The following ZNF519 variants were observed in gnomAD, a reference collection of about 807,000 sequenced individuals.
ZNF519 encodes the protein zinc finger protein 519.
Under a neutral mutation model 7.4 loss-of-function variants are expected in ZNF519, and 7 were observed. That is an observed-to-expected ratio of 0.94 (90% confidence interval 0.54 to 1.77). The LOEUF is 1.77. Ranked by LOEUF, ZNF519 falls within the 40% of genes most tolerant of loss-of-function variation. The pLI is 0.00. For synonymous variants in ZNF519, 179 were observed against 203.3 expected (o/e 0.88, Z 1.02); for missense variants, 586 against 623.1 (o/e 0.94, Z 0.63).
rs747026212 is a variant in ZNF519 at position 14,105,213 on chromosome 18, T to G, written c.1327A>C (p.Arg443=). The G allele has an allele frequency of 1.3e-6, 2 of 1,571,226 alleles. No homozygotes were observed. The highest frequency in any genetic ancestry group is 2.7e-5 in the African/African-American group (2 of 74,426). Residue 443 remains arginine (R), a synonymous_variant, in exon 3 of 3, where the codon AGG becomes CGG. Coordinates refer to ENST00000590202, the MANE Select transcript of ZNF519 (RefSeq NM_145287.4). ...KCKECGKAFN[R]GSHLTRHQRI... ...TGATGTCGAGTAAGGTGTGAGCCCC[T>G]GTTAAAGGCTTTGCCACATTCTTTA...
chr18:14,112,796 AT>A (rs2046228207), intron 2 of ZNF519, among the ~76,000 whole-genome samples: 1 of 152,192 alleles, frequency 6.6e-6, no homozygotes, highest in Non-Finnish European at 1.5e-5. Context: ...AAGAAAATAT[AT>A]TTTTTGTTCA....
chr18:14,127,030 T>C (rs1331869214), intron 1 of ZNF519, among the ~76,000 whole-genome samples: 1 of 152,198 alleles, frequency 6.6e-6, no homozygotes, highest in Non-Finnish European at 1.5e-5. Context: ...CTAGCTGTAA[T>C]ATCCCCTGTC....
chr18:14,106,328 T>C lies in ZNF519; in HGVS notation c.212A>G (p.Tyr71Cys). The change falls in exon 3 of 3, where the codon TAT (tyrosine) becomes TGT (cysteine). Residue 71 changes from tyrosine (Y) to cysteine (C), a missense_variant. By Grantham distance (194) the Tyr-to-Cys change is radical. Coordinates refer to ENST00000590202, the MANE Select transcript of ZNF519 (RefSeq NM_145287.4). ...DSFKKATLGR[Y>C]GSCGLENICL... Reference sequence around the variant, plus strand: ...TATATTTTCAAGGCCACAGCTCCCATATCTTCCCAGTGTTGCTTTTTTGAA... The same window carrying C: ...TATATTTTCAAGGCCACAGCTCCCACATCTTCCCAGTGTTGCTTTTTTGAA... The C allele has an allele frequency of 6.2e-7, 1 of 1,613,410 alleles. No homozygotes were observed. The highest frequency in any genetic ancestry group is 8.5e-7 in the Non-Finnish European group (1 of 1,179,856).
At chr18:14,088,867 A>G (rs567002354) in intron 2 of ZNF519, among the ~76,000 whole-genome samples, 1 of 152,302 alleles carries the variant, frequency 6.6e-6, no homozygotes, top group South Asian at 2.1e-4. Context: ...AATTTGCAAA[A>G]CTAAAACTGG....
At chr18:14,087,101 G>A (rs1326374126) in intron 2 of ZNF519, among the ~76,000 whole-genome samples, 1 of 152,092 alleles carries the variant, frequency 6.6e-6, no homozygotes, top group Non-Finnish European at 1.5e-5. Flanking sequence ...AATCAATAAA[G>A]GTGATACATC....
Position 14,101,419 on chromosome 18 carries a change from G to A in ZNF519, c.*3498C>T, listed in dbSNP as rs1218225516. On this transcript the variant is annotated 3_prime_UTR_variant, in exon 3 of 3. Coordinates refer to ENST00000590202, the MANE Select transcript of ZNF519 (RefSeq NM_145287.4). ...CTCATGGTCATAACATGAAGTGAAAGTAAAATATAAATAATTTTCCTAGAT... is the reference window on the plus strand; with the variant it reads ...CTCATGGTCATAACATGAAGTGAAAATAAAATATAAATAATTTTCCTAGAT... 1.1e-5 allele frequency: 4 copies of A among 349,516 alleles called. No individual in the cohort carries two copies. The highest frequency in any genetic ancestry group is 1.5e-4 in the South Asian group (1 of 6,590). 21.7% of individuals were successfully genotyped at this position (349,516 alleles called of 1,614,324 possible). A position where few individuals can be genotyped will look rare whatever the true frequency, so the allele number is the denominator to read the frequency against.
chr18:14,094,344 C>T (rs1284860549), intron 2 of ZNF519, among the ~76,000 whole-genome samples: 3 of 152,298 alleles, frequency 2.0e-5, no homozygotes, highest in East Asian at 3.9e-4. Context: ...TGGTAAACAT[C>T]GGTATCCCTG....
intron 2 of ZNF519, among the ~76,000 whole-genome samples, chr18:14,110,030 A>T (rs1158602756): frequency 6.6e-6 from 1 of 152,154 alleles, no homozygotes; most frequent in Non-Finnish European, 1.5e-5. Context: ...CCAGAAATTA[A>T]GCCAAATACA....
chr18:14,128,105 C>T (rs9962611), intron 1 of ZNF519, among the ~76,000 whole-genome samples: 10,208 of 151,532 alleles, frequency 0.067, 645 homozygotes, highest in African/African-American at 0.15. Context: ...CTGGCGAACA[C>T]GGTGAAACCC....
chr18:14,077,854 T>C (rs1173559048), intron 4 of ZNF519, among the ~76,000 whole-genome samples: 2 of 152,158 alleles, frequency 1.3e-5, no homozygotes, highest in Non-Finnish European at 2.9e-5. Flanking sequence ...TATTTAATTA[T>C]GAATAAAGAA....
chr18:14,092,905 C>G (rs948143302), intron 2 of ZNF519, among the ~76,000 whole-genome samples: 2 of 152,168 alleles, frequency 1.3e-5, no homozygotes, highest in African/African-American at 4.8e-5. Flanking sequence ...TCTATCAGCA[C>G]AGGGCTGCAT....
At chr18:14,085,645 G>A (rs933223094) in intron 2 of ZNF519, among the ~76,000 whole-genome samples, 9 of 152,242 alleles carry the variant, frequency 5.9e-5, no homozygotes, top group African/African-American at 1.7e-4. Context: ...TCACCTCAGC[G>A]CTTCCCCAAC....
chr18:14,119,624 A>T (rs1356183513), intron 2 of ZNF519, among the ~76,000 whole-genome samples: 4 of 152,160 alleles, frequency 2.6e-5, no homozygotes, highest in Non-Finnish European at 5.9e-5. Flanking sequence ...ACATACAAAT[A>T]CTTCTGGGGT....
intron 1 of ZNF519, among the ~76,000 whole-genome samples, chr18:14,130,106 TC>T (rs1427402582): frequency 1.3e-5 from 2 of 152,068 alleles, no homozygotes; most frequent in Non-Finnish European, 2.9e-5. Context: ...CTTCTTTTTT[TC>T]TAAACCTATC....
Position 14,132,355 on chromosome 18 carries a change from TG to T in ZNF519, c.-79del, listed in dbSNP as rs150708120. ...GCAGGTCACAGAGCGACGGAGTGAG[TG>T]GCAGAATCACCGAAGTCTCCCGGAG... On this transcript the variant is annotated 5_prime_UTR_variant, in exon 1 of 3. Coordinates refer to ENST00000590202, the MANE Select transcript of ZNF519 (RefSeq NM_145287.4). 2.8e-3 allele frequency: 4,363 copies of T among 1,565,058 alleles called. 103 individuals carry two copies. In the African/African-American group the frequency reaches 0.05, roughly 18 times the overall value.
intron 1 of ZNF519, among the ~76,000 whole-genome samples, chr18:14,130,031 TG>T (rs1468701551): frequency 1.4e-4 from 22 of 152,152 alleles, no homozygotes; most frequent in Admixed American, 1.4e-3. Context: ...TCATGCTTTT[TG>T]TTCTCCGAAA....
At chr18:14,106,632 G>T (rs1444966686) in intron 2 of ZNF519, among the ~76,000 whole-genome samples, 1 of 151,950 alleles carries the variant, frequency 6.6e-6, no homozygotes, top group Non-Finnish European at 1.5e-5. Context: ...AAAAGAAAAA[G>T]AAAACCTTCA....
downstream of ZNF519, among the ~76,000 whole-genome samples, chr18:14,097,487 G>T (rs1431216970): frequency 2.0e-5 from 3 of 152,178 alleles, no homozygotes; most frequent in African/African-American, 7.2e-5. Flanking sequence ...TCATGGAGGT[G>T]CAAGTCCAAG....
At chr18:14,092,429 C>G (rs541908336) in intron 2 of ZNF519, among the ~76,000 whole-genome samples, 2 of 152,192 alleles carry the variant, frequency 1.3e-5, no homozygotes, top group East Asian at 3.9e-4. Flanking sequence ...AAGTGTAGGA[C>G]TTAGAGGAGC....
Sources: gnomAD v4.1 joint callset for allele counts (sites outside exome capture counted in the v4.1 genomes callset) on GRCh38, gnomAD v4.1.1 for gene constraint, MANE v1.5 for transcripts, NCBI Gene and HGNC (gene_info 2026-07-23, HGNC 2026-07-21) for gene names.